The following ABCA13 variants were observed in gnomAD, a reference collection of about 807,000 sequenced individuals.
The protein encoded by ABCA13 is ATP-binding cassette sub-family A member 13.
Under a neutral mutation model 478.7 loss-of-function variants are expected in ABCA13, and 476 were observed. The ratio of observed to expected loss-of-function variants is 0.99; its 90% confidence interval spans 0.92 to 1.07. The LOEUF (loss-of-function observed/expected upper bound fraction) is 1.07, where lower values mean the gene tolerates loss of function less well. Ranked by LOEUF, ABCA13 falls within the 50% of genes least tolerant of loss-of-function variation. The probability of loss-of-function intolerance (pLI) is 0.00; values close to 1 mark genes in which losing one functional copy is unlikely to be tolerated. For synonymous variants in ABCA13, 2,252 were observed against 2,158.9 expected, an observed-to-expected ratio of 1.04 and a Z score of -1.20; for missense variants, 6,060 against 5,910.6, an observed-to-expected ratio of 1.03 and a Z score of -0.83.
intron 32 of ABCA13, 104 bp downstream of exon 32, chr7:48,368,012 C>T (rs1420287786): frequency 1.3e-5 from 10 of 789,630 alleles, no homozygotes; most frequent in Non-Finnish European, 1.8e-5. Flanking sequence ...GTTTTGCTTC[C>T]CTCTCCTCTG....
chr7:48,505,403 G>C (rs1831114030), intron 48 of ABCA13, among the ~76,000 whole-genome samples: 1 of 152,134 alleles, frequency 6.6e-6, no homozygotes, highest in South Asian at 2.1e-4. Flanking sequence ...CTCTCATAAA[G>C]CAGTGCCGAT....
At chr7:48,388,441 G>T (rs1815520415) in intron 36 of ABCA13, among the ~76,000 whole-genome samples, 1 of 152,288 alleles carries the variant, frequency 6.6e-6, no homozygotes, top group East Asian at 1.9e-4. Context: ...GATAGGGGCA[G>T]GACTGTCCCT....
intron 55 of ABCA13, among the ~76,000 whole-genome samples, chr7:48,576,473 T>C (rs772249012): frequency 6.6e-6 from 1 of 152,140 alleles, no homozygotes; most frequent in Non-Finnish European, 1.5e-5. Context: ...TATAGAAGTA[T>C]GCCCAGACCT....
At position 48,317,174 on chromosome 7, in the gene ABCA13, C is replaced by T. The variant is rs1304078381; in HGVS notation, c.9877C>T (p.Leu3293Phe). ...TGCAACAGCACCGTTTTGCTTGAAG[C>T]TTTATCAGGAAATTCTACAATTGCC... Reference protein sequence around the residue: ...PEDSTPFCLKLYQEILQLPNG... With the variant: ...PEDSTPFCLKFYQEILQLPNG... The change falls in exon 27 of 62, where the codon CTT becomes TTT. Residue 3293 changes from leucine to phenylalanine, a missense_variant. Physicochemically the swap from Leu to Phe is conservative, Grantham distance 22 (BLOSUM62 0). Coordinates refer to ENST00000435803, the MANE Select transcript of ABCA13 (RefSeq NM_152701.5). The T allele has an allele frequency of 3.1e-6, 5 of 1,611,806 alleles. No individual in the cohort carries two copies. Among genetic ancestry groups the T allele is most frequent in the Non-Finnish European group, 4.2e-6 (5 of 1,179,338 alleles).
chr7:48,289,968 C>T (rs374634228), intron 20 of ABCA13, among the ~76,000 whole-genome samples: 4 of 152,074 alleles, frequency 2.6e-5, no homozygotes, highest in South Asian at 2.1e-4. Flanking sequence ...GATATGAAGT[C>T]GCCAACAGAG....
intron 15 of ABCA13, among the ~76,000 whole-genome samples, chr7:48,264,292 T>A (rs1193076788): frequency 6.6e-6 from 1 of 151,922 alleles, no homozygotes; most frequent in Non-Finnish European, 1.5e-5. Context: ...TATACTTTCT[T>A]TTCCTTAAAA....
At chr7:48,431,026 GAT>G (rs1315498003) in intron 42 of ABCA13, among the ~76,000 whole-genome samples, 1 of 151,910 alleles carries the variant, frequency 6.6e-6, no homozygotes, top group Admixed American at 6.6e-5. Flanking sequence ...TGTAAATTTT[GAT>G]ATGTTGTATC....
At chr7:48,361,679 G>A (rs1050646107) in intron 31 of ABCA13, among the ~76,000 whole-genome samples, 3 of 151,534 alleles carry the variant, frequency 2.0e-5, no homozygotes, top group Admixed American at 6.6e-5. Context: ...ATAAGGTAAT[G>A]ACTGTTCTTT....
intron 28 of ABCA13, 131 bp from the exon 29 acceptor site, chr7:48,338,234 A>G (rs1009660886): frequency 1.8e-6 from 1 of 557,992 alleles, no homozygotes; most frequent in Non-Finnish European, 2.9e-6. Flanking sequence ...GTGTTTTAAA[A>G]CTTCTTTTAA....
At chr7:48,402,862 G>A (rs1817789213) in intron 38 of ABCA13, among the ~76,000 whole-genome samples, 1 of 152,200 alleles carries the variant, frequency 6.6e-6, no homozygotes, top group Non-Finnish European at 1.5e-5. Flanking sequence ...GCTCCGAGGA[G>A]ACACTCCACT....
chr7:48,253,155 G>A (rs1792830222), intron 15 of ABCA13, among the ~76,000 whole-genome samples: 1 of 152,082 alleles, frequency 6.6e-6, no homozygotes, highest in Non-Finnish European at 1.5e-5. Flanking sequence ...GTCCATAATT[G>A]ATTACTCCTA....
chr7:48,614,513 G>C (rs1386102111), intron 58 of ABCA13, among the ~76,000 whole-genome samples: 2 of 151,052 alleles, frequency 1.3e-5, no homozygotes, highest in Non-Finnish European at 3.0e-5. Context: ...AATACCATTT[G>C]ACCCAGCCAT....
At chr7:48,384,715 A>G (rs1174640542) in intron 35 of ABCA13, among the ~76,000 whole-genome samples, 2 of 152,218 alleles carry the variant, frequency 1.3e-5, no homozygotes, top group African/African-American at 2.4e-5. Flanking sequence ...TCAGCCTGCC[A>G]TAACAAAGTA....
intron 7 of ABCA13, among the ~76,000 whole-genome samples, chr7:48,232,189 T>A (rs915975812): frequency 7.7e-5 from 10 of 129,814 alleles, no homozygotes; most frequent in African/African-American, 3.0e-4. Context: ...GAAAGCTAGC[T>A]CATTAACGTT....
At chr7:48,409,185 A>G (rs917893664) in intron 39 of ABCA13, among the ~76,000 whole-genome samples, 7 of 152,178 alleles carry the variant, frequency 4.6e-5, no homozygotes, top group South Asian at 2.1e-4. Flanking sequence ...GTTTCTTTCT[A>G]TTTAATAAAA....
intron 48 of ABCA13, among the ~76,000 whole-genome samples, chr7:48,499,217 TGTA>T (rs1830525817): frequency 6.6e-6 from 1 of 152,208 alleles, no homozygotes. Context: ...CAAAACGCCT[TGTA>T]GTCAGAAGAA....
intron 41 of ABCA13, among the ~76,000 whole-genome samples, chr7:48,416,936 A>G (rs1323940956): frequency 6.8e-6 from 1 of 147,774 alleles, no homozygotes; most frequent in Non-Finnish European, 1.5e-5. Context: ...ATCACTGCAT[A>G]TACCTTTTTT....
intron 20 of ABCA13, among the ~76,000 whole-genome samples, chr7:48,293,850 T>G (rs1287870324): frequency 2.0e-5 from 3 of 152,272 alleles, no homozygotes; most frequent in Middle Eastern, 3.4e-3. Flanking sequence ...GTTAGAGATG[T>G]GGAGAGTGGG....
intron 44 of ABCA13, among the ~76,000 whole-genome samples, chr7:48,471,040 G>A (rs1206928496): frequency 6.6e-6 from 1 of 152,140 alleles, no homozygotes; most frequent in Admixed American, 6.5e-5. Flanking sequence ...TGCTACAAAT[G>A]GTTTTCATAA....
Sources: gnomAD v4.1 joint callset for allele counts (sites outside exome capture counted in the v4.1 genomes callset) on GRCh38, gnomAD v4.1.1 for gene constraint, MANE v1.5 for transcripts, NCBI Gene and HGNC (gene_info 2026-07-23, HGNC 2026-07-21) for gene names.